Variants in GAS7 observed in about 807,000 individuals in gnomAD.
GAS7 encodes the protein growth arrest specific 7.
Under a neutral mutation model 71.1 loss-of-function variants are expected in GAS7, and 28 were observed. The observed-to-expected ratio is 0.39, with a 90% CI of 0.29 to 0.54. GAS7 has a LOEUF of 0.54. Ranked by LOEUF, GAS7 falls within the 20% of genes least tolerant of loss-of-function variation. The pLI, the probability that GAS7 is intolerant of heterozygous loss-of-function variation, is 0.62. For missense variants in GAS7, 436 were observed against 627.8 expected, an observed-to-expected ratio of 0.69 and a Z score of 3.27; for synonymous variants, 258 against 245.8, an observed-to-expected ratio of 1.05 and a Z score of -0.46.
Position 10,026,368 on chromosome 17 carries a change from G to T in GAS7, c.184-6471C>A. On this transcript the variant is annotated intron_variant, in intron 1 of 13. Coordinates refer to ENST00000432992, the MANE Select transcript of GAS7 (RefSeq NM_201433.2). This position sits in a 1 kb window ranked among gnomAD's most constrained non-coding sequence, Gnocchi z 4.5. ...CAGATCTATATATAACAGCTCTGAA[G>T]TTGTCAGCCTAACGAGCCACTTTCT... 1.1e-6 allele frequency: 1 copy of T among 870,888 alleles called. No homozygotes were observed. Among genetic ancestry groups the T allele is most frequent in the Non-Finnish European group, 1.4e-6 (1 of 725,236 alleles). 53.9% of individuals were successfully genotyped at this position (870,888 alleles called of 1,614,324 possible). A position where few individuals can be genotyped will look rare whatever the true frequency, so the allele number is the denominator to read the frequency against.
chr17:10,005,276 TG>T (rs1181371068), intron 2 of GAS7, among the ~76,000 whole-genome samples: 7 of 151,840 alleles, frequency 4.6e-5, no homozygotes, highest in Non-Finnish European at 8.8e-5. Context: ...TGTATGTATA[TG>T]TATATACATG....
intron 12 of GAS7, among the ~76,000 whole-genome samples, chr17:9,918,933 T>C (rs1223054447): frequency 6.6e-6 from 1 of 152,132 alleles, no homozygotes; most frequent in Non-Finnish European, 1.5e-5. Context: ...TAATCTGCTC[T>C]GGTGGGCTGA....
Position 9,940,177 on chromosome 17 carries a change from G to A in GAS7, c.755C>T (p.Ala252Val), listed in dbSNP as rs765522796. Reference sequence around the variant, plus strand: ...CTGAGAGAGCTTAGCTAAGTTCTTCGCATAGTCTTCTTCAATCTTTATCCT... The same window carrying A: ...CTGAGAGAGCTTAGCTAAGTTCTTCACATAGTCTTCTTCAATCTTTATCCT... ...RERIKIEEDY[A>V]KNLAKLSQNS... Residue 252 changes from alanine to valine, a missense_variant, in exon 8 of 14, where the codon GCG becomes GTG. Ala to Val is a moderately conservative substitution (Grantham distance 64). Coordinates refer to ENST00000432992, the MANE Select transcript of GAS7 (RefSeq NM_201433.2). 13 of 1,612,458 alleles carry A rather than the reference G, an allele frequency of 8.1e-6. No homozygotes were observed. The highest frequency in any genetic ancestry group is 4.4e-5 in the South Asian group (4 of 91,056).
At position 10,009,046 on chromosome 17, in the gene GAS7, C is replaced by T. The variant is rs535998371; in HGVS notation, c.304+10731G>A. On this transcript the variant is annotated intron_variant, in intron 2 of 13. Transcript: ENST00000432992. ...TTAAAAGTGTTCTACTGGGGCCGGG[C>T]GCGGTGGCTCACGCCTGTAATCCCA... Among the ~76,000 whole-genome samples, 19 of 152,122 alleles carry T rather than the reference C, an allele frequency of 1.2e-4. No individual in the cohort carries two copies. The East Asian group carries it at 1.9e-3, about 15-fold the overall frequency.
chr17:10,182,900 G>C (rs916796354), intron 1 of GAS7, among the ~76,000 whole-genome samples: 1 of 152,222 alleles, frequency 6.6e-6, no homozygotes, highest in Non-Finnish European at 1.5e-5. Context: ...AGTCTCCTGA[G>C]TTTCACCTCT....
intron 2 of GAS7, among the ~76,000 whole-genome samples, chr17:9,999,516 T>C (rs1394448270): frequency 1.5e-5 from 2 of 129,202 alleles, no homozygotes; most frequent in East Asian, 4.0e-4. Context: ...AGACTTTGCC[T>C]CAAAAAAAAA....
intron 1 of GAS7, among the ~76,000 whole-genome samples, chr17:10,162,599 A>G (rs190314872): frequency 2.8e-4 from 42 of 152,314 alleles, no homozygotes; most frequent in Non-Finnish European, 5.4e-4. Context: ...TTACTGTGTT[A>G]AGTTTCCAGA....
intron 2 of GAS7, 152 bp downstream of exon 2, chr17:10,019,625 G>T (rs959742673): frequency 5.7e-6 from 4 of 698,764 alleles, no homozygotes; most frequent in African/African-American, 5.4e-5. Context: ...CAGCACAGTG[G>T]GAGGAGTAAG....
chr17:10,195,839 T>G (rs2142159480), intron 1 of GAS7, among the ~76,000 whole-genome samples: 1 of 152,170 alleles, frequency 6.6e-6, no homozygotes, highest in Admixed American at 6.5e-5. Context: ...GAGGTCCAAC[T>G]TGCTCATGTA....
chr17:10,047,923 AG>A (rs2073003153), intron 1 of GAS7, among the ~76,000 whole-genome samples: 2 of 152,254 alleles, frequency 1.3e-5, no homozygotes, highest in Admixed American at 1.3e-4. Flanking sequence ...ATTAAAGACC[AG>A]AATAGGTTAA....
In GAS7 at chr17:10,152,330, A is replaced by G. The variant is rs189779190; in HGVS notation, c.183+45878T>C. ...TAGTCAGCAATCGACTCCCCAAGAG[A>G]ATCTTATTGAGGAACGATTCTGTGC... On this transcript the variant is annotated intron_variant, in intron 1 of 13. Transcript: ENST00000432992. 9.1e-4 allele frequency among the ~76,000 whole-genome samples: 138 copies of G among 152,318 alleles called. 1 individual carries two copies. The highest frequency in any genetic ancestry group is 2.3e-3 in the Admixed American group (35 of 15,300).
At chr17:10,045,927 T>G (rs1191171959) in intron 1 of GAS7, among the ~76,000 whole-genome samples, 1 of 152,206 alleles carries the variant, frequency 6.6e-6, no homozygotes, top group Non-Finnish European at 1.5e-5. Flanking sequence ...AGTCTGGCCC[T>G]AAGCAATAAT....
intron 1 of GAS7, among the ~76,000 whole-genome samples, chr17:10,115,327 G>T (rs964959193): frequency 6.6e-6 from 1 of 152,108 alleles, no homozygotes; most frequent in South Asian, 2.1e-4. Flanking sequence ...GTGCACAGGC[G>T]GGGGGAACGC....
rs569743670 is a variant in GAS7 at position 9,919,701 on chromosome 17, G to A, written c.1143C>T (p.Asp381=). The change falls in exon 12 of 14, where the codon GAC becomes GAT. Residue 381 remains aspartate (D), a synonymous_variant. Coordinates refer to ENST00000432992, the MANE Select transcript of GAS7 (RefSeq NM_201433.2). The surrounding 1 kb of genome is among the most constrained non-coding windows in gnomAD (Gnocchi z 5.0). Reference sequence around the variant, plus strand: ...AGAGATCCACACAGCGCATGAGGTCGTCTCCTGGAAAAAGACCACAGTCAC... The same window carrying A: ...AGAGATCCACACAGCGCATGAGGTCATCTCCTGGAAAAAGACCACAGTCAC... The part of the protein sequence containing the change: ...KARRKSTQAG[D]DLMRCVDLYN... 75 of 1,611,676 alleles carry A rather than the reference G, an allele frequency of 4.7e-5. No individual in the cohort carries two copies. Among genetic ancestry groups the A allele is most frequent in the Middle Eastern group, 1.7e-4 (1 of 6,054 alleles).
chr17:9,987,777 T>C (rs17685126), intron 2 of GAS7, among the ~76,000 whole-genome samples: 2,629 of 152,370 alleles, frequency 0.017, 36 homozygotes, highest in Non-Finnish European at 0.025. Context: ...CGGAAGTTAT[T>C]AATTTTAAAT....
At chr17:10,140,699 AT>A in intron 1 of GAS7, among the ~76,000 whole-genome samples, 1 of 152,092 alleles carries the variant, frequency 6.6e-6, no homozygotes, top group East Asian at 1.9e-4. Context: ...GACACAGCTA[AT>A]TGCTCCTCAC....
intron 4 of GAS7, among the ~76,000 whole-genome samples, chr17:9,966,943 GAAT>G (rs2069739220): frequency 1.3e-5 from 2 of 152,278 alleles, no homozygotes; most frequent in East Asian, 3.9e-4. Flanking sequence ...AAGCCTAAAA[GAAT>G]AACATTCTAC....
At chr17:10,135,942 T>C (rs1031501629) in intron 1 of GAS7, among the ~76,000 whole-genome samples, 2 of 151,844 alleles carry the variant, frequency 1.3e-5, no homozygotes, top group South Asian at 4.1e-4. Flanking sequence ...CTTTTTGGAG[T>C]TCAGATGTGG....
chr17:10,048,442 C>G (rs930919157), intron 1 of GAS7, among the ~76,000 whole-genome samples: 14 of 152,208 alleles, frequency 9.2e-5, no homozygotes, highest in African/African-American at 3.4e-4. Flanking sequence ...GCTCTTTCTA[C>G]TAGAATAAAA....
Sources: gnomAD v4.1 joint callset for allele counts (sites outside exome capture counted in the v4.1 genomes callset) on GRCh38, gnomAD v4.1.1 for gene constraint, Gnocchi (gnomAD v3.1) non-coding constraint, MANE v1.5 for transcripts, NCBI Gene and HGNC (gene_info 2026-07-23, HGNC 2026-07-21) for gene names.